Variants in HS3ST4 observed in about 807,000 individuals in gnomAD.
The protein encoded by HS3ST4 is heparan sulfate-glucosamine 3-sulfotransferase 4, also known as heparan sulfate glucosamine 3-O-sulfotransferase 4.
In HS3ST4, 17 loss-of-function variants were observed where a neutral mutation model predicts 29.2. The ratio of observed to expected loss-of-function variants is 0.58; its 90% CI spans 0.40 to 0.87. HS3ST4 has a LOEUF of 0.87. HS3ST4 is among the 40% of genes least tolerant of loss of function. The pLI is 0.00. For missense variants in HS3ST4, 627 were observed against 634.5 expected, an observed-to-expected ratio of 0.99 and a Z score of 0.13; for synonymous variants, 314 against 285.7, an observed-to-expected ratio of 1.10 and a Z score of -1.00.
At chr16:25,852,553 T>C (rs1967532119) in intron 1 of HS3ST4, among the ~76,000 whole-genome samples, 1 of 152,098 alleles carries the variant, frequency 6.6e-6, no homozygotes, top group Non-Finnish European at 1.5e-5. Flanking sequence ...TCCCATTTTT[T>C]TTTAAATGGG....
chr16:26,043,033 A>G (rs892099184), intron 1 of HS3ST4, among the ~76,000 whole-genome samples: 1 of 152,200 alleles, frequency 6.6e-6, no homozygotes, highest in Non-Finnish European at 1.5e-5. Flanking sequence ...CCAAGAGTTA[A>G]AAAGTTGCTA....
At chr16:26,120,881 G>A (rs946085660) in intron 1 of HS3ST4, among the ~76,000 whole-genome samples, 3 of 152,188 alleles carry the variant, frequency 2.0e-5, no homozygotes, top group African/African-American at 2.4e-5. Flanking sequence ...TATTGGCACA[G>A]GTCCTAAGAT....
At chr16:25,899,671 A>AT (rs561490560) in intron 1 of HS3ST4, among the ~76,000 whole-genome samples, 9,247 of 142,816 alleles carry the variant, frequency 0.065, 682 homozygotes, top group African/African-American at 0.19. Flanking sequence ...ACGCTCAGCT[A>AT]TTTTTTTTTT....
At chr16:25,904,087 CATGGATGAATGA>C (rs1338164094) in intron 1 of HS3ST4, among the ~76,000 whole-genome samples, 8 of 146,390 alleles carry the variant, frequency 5.5e-5, no homozygotes, top group African/African-American at 2.0e-4. Flanking sequence ...TGGATGGATG[CATGGATGAATGA>C]ATGGATGAAT....
intron 1 of HS3ST4, among the ~76,000 whole-genome samples, chr16:25,764,656 G>C (rs977547845): frequency 1.3e-5 from 2 of 152,190 alleles, no homozygotes; most frequent in Non-Finnish European, 2.9e-5. Context: ...CCTAGAATAG[G>C]GATGGCACAT....
intron 1 of HS3ST4, among the ~76,000 whole-genome samples, chr16:25,709,632 C>G (rs1233033559): frequency 6.6e-6 from 1 of 152,010 alleles, no homozygotes; most frequent in Non-Finnish European, 1.5e-5. Flanking sequence ...AGCTCAAAAT[C>G]TCCCTGTCTA....
At chr16:25,898,750 C>T (rs548192095) in intron 1 of HS3ST4, among the ~76,000 whole-genome samples, 100 of 152,320 alleles carry the variant, frequency 6.6e-4, no homozygotes, top group Non-Finnish European at 1.2e-3. Context: ...CTGCCTGAGG[C>T]TTGCTCTCTT....
At chr16:25,799,536 C>T (rs563007715) in intron 1 of HS3ST4, among the ~76,000 whole-genome samples, 1 of 152,186 alleles carries the variant, frequency 6.6e-6, no homozygotes, top group African/African-American at 2.4e-5. Context: ...CCATCATCAA[C>T]AATTTAAATG....
intron 1 of HS3ST4, 99 bp downstream of exon 1, chr16:25,693,250 C>T: frequency 2.3e-6 from 3 of 1,314,774 alleles, no homozygotes; most frequent in African/African-American, 1.5e-5. Context: ...GGCACCGTCC[C>T]GAGAGGCCCA....
At chr16:26,040,296 C>CTTTT (rs565233563) in intron 1 of HS3ST4, among the ~76,000 whole-genome samples, 82 of 135,662 alleles carry the variant, frequency 6.0e-4, no homozygotes, top group Non-Finnish European at 8.6e-4. Context: ...ATCTTTCTTT[C>CTTTT]TTTTTTTTTT....
At chr16:26,089,069 G>A (rs956562275) in intron 1 of HS3ST4, among the ~76,000 whole-genome samples, 1 of 152,192 alleles carries the variant, frequency 6.6e-6, no homozygotes, top group African/African-American at 2.4e-5. Flanking sequence ...GGTTAGTGGG[G>A]TGTGTGTGCA....
chr16:25,872,335 T>G (rs974446582), intron 1 of HS3ST4, among the ~76,000 whole-genome samples: 1 of 152,226 alleles, frequency 6.6e-6, no homozygotes, highest in African/African-American at 2.4e-5. Flanking sequence ...ATTCTCTGTT[T>G]TTTTCAGAGC....
In HS3ST4 at chr16:25,822,673, TG is replaced by T. The variant is rs1211430617; in HGVS notation, c.734+129523del. On this transcript the variant is annotated intron_variant, in intron 1 of 1. Transcript: ENST00000331351. ...ATAGTGTGCTTTTTTCTTCAGCACT[TG>T]TTCCTTCATATTTGGAGGGTGGGTG... is the stretch of plus-strand genomic sequence containing the variant. 4.6e-5 allele frequency among the ~76,000 whole-genome samples: 7 copies of T among 152,158 alleles called. No homozygotes were observed. In the East Asian group the frequency reaches 1.4e-3, roughly 29 times the overall value.
intron 1 of HS3ST4, among the ~76,000 whole-genome samples, chr16:25,768,661 G>A (rs1365497507): frequency 1.3e-5 from 2 of 152,102 alleles, no homozygotes; most frequent in Non-Finnish European, 2.9e-5. Context: ...CCTGCATTTT[G>A]TATTGTAAAA....
At chr16:25,852,600 G>A (rs1967532782) in intron 1 of HS3ST4, among the ~76,000 whole-genome samples, 1 of 148,400 alleles carries the variant, frequency 6.7e-6, no homozygotes, top group South Asian at 2.1e-4. Context: ...CTCTTTATAA[G>A]AGCTCTCGAT....
At chr16:26,017,544 A>G (rs1431464127) in intron 1 of HS3ST4, among the ~76,000 whole-genome samples, 3 of 152,242 alleles carry the variant, frequency 2.0e-5, no homozygotes, top group Non-Finnish European at 2.9e-5. Flanking sequence ...AACAGGAGAT[A>G]TCTAGATCTG....
chr16:25,712,340 A>G (rs2141585416), intron 1 of HS3ST4, among the ~76,000 whole-genome samples: 1 of 152,178 alleles, frequency 6.6e-6, no homozygotes, highest in Non-Finnish European at 1.5e-5. Context: ...TGGGCAACAT[A>G]GTGAAACTCC....
At chr16:25,892,354 G>A (rs1017204619) in intron 1 of HS3ST4, among the ~76,000 whole-genome samples, 2 of 152,092 alleles carry the variant, frequency 1.3e-5, no homozygotes, top group Admixed American at 6.5e-5. Flanking sequence ...TTATGACCCC[G>A]AACACACTTT....
chr16:25,986,424 G>C (rs1296242148), intron 1 of HS3ST4, among the ~76,000 whole-genome samples: 2 of 152,150 alleles, frequency 1.3e-5, no homozygotes, highest in African/African-American at 4.8e-5. Context: ...TTTCATTGGA[G>C]GTTTTAGCTA....
Sources: gnomAD v4.1 joint callset for allele counts (sites outside exome capture counted in the v4.1 genomes callset) on GRCh38, gnomAD v4.1.1 for gene constraint, MANE v1.5 for transcripts, NCBI Gene and HGNC (gene_info 2026-07-23, HGNC 2026-07-21) for gene names.